The following DENND2C variants were observed in gnomAD, a reference collection of about 807,000 sequenced individuals.
The protein encoded by DENND2C is DENN domain containing 2C.
Under a neutral mutation model 112.4 loss-of-function variants are expected in DENND2C, and 72 were observed. The ratio of observed to expected loss-of-function variants is 0.64; its 90% confidence interval spans 0.53 to 0.78. The LOEUF (loss-of-function observed/expected upper bound fraction) is 0.78. Ranked by LOEUF, DENND2C falls within the 30% of genes least tolerant of loss-of-function variation. DENND2C has a pLI of 0.00. For synonymous variants in DENND2C, 329 were observed against 381.6 expected (o/e 0.86, Z 1.61); for missense variants, 992 against 1,113.8 (o/e 0.89, Z 1.56).
Position 114,601,612 on chromosome 1 carries a change from A to C in DENND2C, c.1738-27T>G, listed in dbSNP as rs553838623. The C allele has an allele frequency of 1.1e-3, 1,739 of 1,595,300 alleles. 39 individuals are homozygous for C. In the South Asian group the frequency reaches 0.018, roughly 17 times the overall value. On this transcript the variant is annotated intron_variant, in intron 12 of 20. Transcript: ENST00000393274. ...TAAAAGATAAAAACAACAACAACAA[A>C]AAAATCAAGCCGCATACATTTTTAT...
At chr1:114,629,296 A>G (rs575340655) in intron 3 of DENND2C, among the ~76,000 whole-genome samples, 2 of 152,320 alleles carry the variant, frequency 1.3e-5, no homozygotes, top group East Asian at 3.9e-4. Flanking sequence ...TTCTTTTATG[A>G]GATGAAGTTT....
chr1:114,639,959 T>C (rs945885426), intron 3 of DENND2C, among the ~76,000 whole-genome samples: 1 of 144,248 alleles, frequency 6.9e-6, no homozygotes, highest in African/African-American at 2.4e-5. Context: ...CATTACTGCA[T>C]AATATGTGGG....
chr1:114,596,895 A>G (rs1321423566), intron 16 of DENND2C, among the ~76,000 whole-genome samples: 16 of 152,154 alleles, frequency 1.1e-4, no homozygotes, highest in Admixed American at 9.8e-4. Context: ...ATACACACAA[A>G]AATCAAGTTC....
At chr1:114,587,987 TCTC>T (rs775437829) in intron 18 of DENND2C, 35 bp from the exon 19 acceptor site, 11 of 1,577,238 alleles carry the variant, frequency 7.0e-6, no homozygotes, top group Admixed American at 6.9e-5. Flanking sequence ...AAGAAAAAAA[TCTC>T]CTCAGTTATC....
chr1:114,635,776 G>A (rs1190928792), intron 3 of DENND2C, among the ~76,000 whole-genome samples: 1 of 152,176 alleles, frequency 6.6e-6, no homozygotes, highest in African/African-American at 2.4e-5. Flanking sequence ...GGAGGCTGAG[G>A]AGGGCAGATC....
chr1:114,587,321 A>G, intron 20 of DENND2C, 66 bp downstream of exon 20: 1 of 1,556,794 alleles, frequency 6.4e-7, no homozygotes, highest in Non-Finnish European at 8.9e-7. Context: ...TGCTGGAATT[A>G]CAGGCATGAG....
intron 1 of DENND2C, among the ~76,000 whole-genome samples, chr1:114,661,644 G>A (rs1312622798): frequency 6.6e-6 from 1 of 152,094 alleles, no homozygotes; most frequent in Admixed American, 6.5e-5. Context: ...TTGCCCATTT[G>A]ACAAAGCCAT....
chr1:114,628,376 C>T (rs1406610452), intron 3 of DENND2C, among the ~76,000 whole-genome samples: 7 of 150,160 alleles, frequency 4.7e-5, no homozygotes, highest in Admixed American at 1.3e-4. Context: ...GCTAAATCTA[C>T]GGAATTCACA....
chr1:114,612,924 G>A (rs1198259286), intron 8 of DENND2C, among the ~76,000 whole-genome samples: 4 of 152,188 alleles, frequency 2.6e-5, no homozygotes, highest in African/African-American at 4.8e-5. Flanking sequence ...GCCTCCCAAA[G>A]TGCTGGAGTT....
chr1:114,587,089 G>T (rs529858263), intron 20 of DENND2C: 209 of 281,406 alleles, frequency 7.4e-4, no homozygotes, highest in African/African-American at 4.1e-3. Flanking sequence ...GCAGAGATGG[G>T]GTTTCACCAT....
Position 114,600,340 on chromosome 1 carries a change from A to T in DENND2C, c.1969T>A (p.Cys657Ser). The T allele has an allele frequency of 6.2e-7, 1 of 1,614,170 alleles. No individual in the cohort carries two copies. The highest frequency in any genetic ancestry group is 8.5e-7 in the Non-Finnish European group (1 of 1,180,008). Residue 657 changes from cysteine (C) to serine (S), a missense_variant, in exon 15 of 21, where the codon TGC (cysteine) becomes AGC (serine). By Grantham distance (112) the Cys-to-Ser change is moderately radical. Coordinates refer to ENST00000393274, the MANE Select transcript of DENND2C (RefSeq NM_001256404.2). ...TCCAATCGGGAATCTAGTGGTCGGC[A>T]GAGTTCAATGGACTGAAATGCAAGA... ...PGAGDESIEL[C>S]RPLDSRLEHV...
intron 8 of DENND2C, among the ~76,000 whole-genome samples, chr1:114,617,990 ATTT>A (rs11284335): frequency 1.4e-5 from 2 of 144,464 alleles, no homozygotes; most frequent in Non-Finnish European, 1.5e-5. Flanking sequence ...AGTAAACCAA[ATTT>A]TTTTTTTTTT....
chr1:114,649,220 G>A (rs1034239414), intron 2 of DENND2C, among the ~76,000 whole-genome samples: 1 of 152,230 alleles, frequency 6.6e-6, no homozygotes. Flanking sequence ...CTCCCAAAAT[G>A]CTGGGATTAC....
rs748106457 is a variant in DENND2C, at chr1:114,623,072, T to C, written c.971A>G (p.Asp324Gly). The C allele has an allele frequency of 6.8e-6, 11 of 1,610,706 alleles. No individual in the cohort carries two copies. In the Admixed American group the frequency reaches 1.7e-4, roughly 25 times the overall value. Reference protein sequence around the residue: ...IYPTKENPYEDIPVQPLPMWR... With the variant: ...IYPTKENPYEGIPVQPLPMWR... ...CATAGGTAAAGGCTGCACTGGAATA[T>C]CTTCATATGGATTTTCTTTGGTGGG... is the stretch of plus-strand genomic sequence containing the variant. Residue 324 changes from aspartate (D) to glycine (G), a missense_variant, in exon 6 of 21, where the codon GAT (aspartate) becomes GGT (glycine). This residue lies in a region of DENND2C where 470 missense variants were observed against 472.7 expected (regional missense o/e 0.99). Coordinates refer to ENST00000393274, the MANE Select transcript of DENND2C (RefSeq NM_001256404.2).
rs547339076 is a variant in DENND2C at position 114,619,709 on chromosome 1, A to G, written c.1228-1227T>C. Among the ~76,000 whole-genome samples, 3 of 152,338 alleles carry G rather than the reference A, an allele frequency of 2.0e-5. No homozygotes were observed. The South Asian group carries it at 6.2e-4, about 32-fold the overall frequency. ...CTAAAATAAAAAAGTACTAAGGGCT[A>G]TAGGAAAGATGTATGGAAATAAATA... On this transcript the variant is annotated intron_variant, in intron 7 of 20. Transcript: ENST00000393274.
Position 114,587,772 on chromosome 1 carries a change from G to A in DENND2C, c.2612C>T (p.Thr871Ile), listed in dbSNP as rs141389827. Residue 871 changes from threonine (T) to isoleucine (I), a missense_variant, in exon 19 of 21, where the codon ACT (threonine) becomes ATT (isoleucine). By Grantham distance (89) the Thr-to-Ile change is moderately conservative. This residue lies in a region of DENND2C where 516 missense variants were observed against 623.6 expected (regional missense o/e 0.83). Transcript: ENST00000393274. Reference sequence around the variant, plus strand: ...CTGGATGAATCCTGCAAACATCTGAGTTTCCATGAAGAGATCCAGGAAGTG... The same window carrying A: ...CTGGATGAATCCTGCAAACATCTGAATTTCCATGAAGAGATCCAGGAAGTG... ...VRHFLDLFME[T>I]QMFAGFIQDR... is the part of the protein sequence containing the mutation. 13 of 1,614,096 alleles carry A rather than the reference G, an allele frequency of 8.1e-6. No individual in the cohort carries two copies. Among genetic ancestry groups the A allele is most frequent in the Non-Finnish European group, 1.1e-5 (13 of 1,180,012 alleles).
chr1:114,600,599 G>A (rs1285518507), intron 14 of DENND2C, among the ~76,000 whole-genome samples: 1 of 152,108 alleles, frequency 6.6e-6, no homozygotes, highest in Non-Finnish European at 1.5e-5. Context: ...TCATTACAAA[G>A]GGACTCAGTC....
intron 8 of DENND2C, among the ~76,000 whole-genome samples, chr1:114,616,457 T>C (rs1655975265): frequency 6.6e-6 from 1 of 152,144 alleles, no homozygotes; most frequent in South Asian, 2.1e-4. Flanking sequence ...CATTCTCCTC[T>C]GCTATGACTT....
chr1:114,633,583 T>C (rs1656560816), intron 3 of DENND2C, among the ~76,000 whole-genome samples: 1 of 151,268 alleles, frequency 6.6e-6, no homozygotes, highest in African/African-American at 2.4e-5. Flanking sequence ...AGTTGTGTTA[T>C]AAACCCTAAT....
Sources: allele counts gnomAD v4.1 joint callset (sites outside exome capture counted in the v4.1 genomes callset), GRCh38; gene constraint gnomAD v4.1.1; regional missense constraint gnomAD v4.1.1; transcripts MANE v1.5; gene names NCBI Gene and HGNC (gene_info 2026-07-23, HGNC 2026-07-21).